SLC44A5: variants seen among roughly 807,000 people sequenced by gnomAD.
SLC44A5 encodes solute carrier family 44 member 5.
Under a neutral mutation model 101.8 loss-of-function variants are expected in SLC44A5, and 57 were observed. The observed-to-expected ratio is 0.56, with a 90% confidence interval of 0.45 to 0.70. SLC44A5 has a LOEUF of 0.70. Ranked by LOEUF, SLC44A5 falls within the 30% of genes least tolerant of loss-of-function variation. The probability of loss-of-function intolerance (pLI) is 0.00; values close to 1 mark genes in which losing one functional copy is unlikely to be tolerated. For synonymous variants in SLC44A5, 281 were observed against 290.9 expected, an observed-to-expected ratio of 0.97 and a Z score of 0.35; for missense variants, 737 against 853.1, an observed-to-expected ratio of 0.86 and a Z score of 1.70.
chr1:75,531,429 C>G (rs938427773), intron 2 of SLC44A5, among the ~76,000 whole-genome samples: 1 of 152,212 alleles, frequency 6.6e-6, no homozygotes, highest in African/African-American at 2.4e-5. Context: ...GCTGCTGCTT[C>G]TTGATCACCT....
At chr1:75,588,412 G>T (rs961040071) in intron 1 of SLC44A5, among the ~76,000 whole-genome samples, 2 of 152,090 alleles carry the variant, frequency 1.3e-5, no homozygotes. Flanking sequence ...AGTCTGTAAG[G>T]TAGGTAATAT....
At chr1:75,404,011 T>A (rs1662681693) in intron 2 of SLC44A5, among the ~76,000 whole-genome samples, 1 of 151,810 alleles carries the variant, frequency 6.6e-6, no homozygotes, top group South Asian at 2.1e-4. Flanking sequence ...ATAAATGACA[T>A]GATGGAGCTG....
chr1:75,323,276 AT>A (rs1460499031), intron 4 of SLC44A5, among the ~76,000 whole-genome samples: 1 of 151,654 alleles, frequency 6.6e-6, no homozygotes, highest in Non-Finnish European at 1.5e-5. Flanking sequence ...TGAACTCATC[AT>A]TTTTTATGGC....
chr1:75,595,868 A>G (rs1038422447), intron 1 of SLC44A5, among the ~76,000 whole-genome samples: 3 of 152,198 alleles, frequency 2.0e-5, no homozygotes, highest in Admixed American at 6.5e-5. Context: ...AGAAAAATGA[A>G]TGATATTTGA....
intron 2 of SLC44A5, among the ~76,000 whole-genome samples, chr1:75,513,245 A>T (rs543202987): frequency 6.6e-6 from 1 of 152,204 alleles, no homozygotes; most frequent in Admixed American, 6.5e-5. Flanking sequence ...GCTCATGTGG[A>T]GTCTGAATTA....
chr1:75,525,752 T>C (rs964285920), intron 2 of SLC44A5, among the ~76,000 whole-genome samples: 14 of 152,170 alleles, frequency 9.2e-5, no homozygotes, highest in African/African-American at 3.4e-4. Flanking sequence ...TTAGATATGA[T>C]GATGGCATTG....
chr1:75,509,168 T>C (rs868372440), intron 2 of SLC44A5, among the ~76,000 whole-genome samples: 13 of 152,206 alleles, frequency 8.5e-5, no homozygotes, highest in African/African-American at 1.7e-4. Flanking sequence ...AAAACTACTA[T>C]GAAGGAATAT....
At chr1:75,467,464 A>T (rs1666885695) in intron 2 of SLC44A5, among the ~76,000 whole-genome samples, 1 of 152,180 alleles carries the variant, frequency 6.6e-6, no homozygotes, top group South Asian at 2.1e-4. Context: ...AAACAGCTTG[A>T]TAGTGACATA....
intron 15 of SLC44A5, 121 bp from the exon 16 acceptor site, chr1:75,219,465 A>G: frequency 2.8e-6 from 2 of 714,404 alleles, no homozygotes; most frequent in Non-Finnish European, 2.5e-6. Context: ...CTAATATTTT[A>G]ATAATATTCA....
chr1:75,716,317 A>G, the SLC44A5 span, among the ~76,000 whole-genome samples: 1 of 151,998 alleles, frequency 6.6e-6, no homozygotes, highest in African/African-American at 2.4e-5. Flanking sequence ...CACTTCTACA[A>G]AAAATTAGCC....
the SLC44A5 span, among the ~76,000 whole-genome samples, chr1:75,633,644 T>C: frequency 2.0e-5 from 3 of 152,090 alleles, no homozygotes; most frequent in Non-Finnish European, 4.4e-5. Context: ...GTTTTCTAGA[T>C]ATACAATCAT....
chr1:75,208,948 T>G (rs1048348200), intron 23 of SLC44A5, among the ~76,000 whole-genome samples: 1 of 151,968 alleles, frequency 6.6e-6, no homozygotes, highest in Non-Finnish European at 1.5e-5. Context: ...TAGGAATAAA[T>G]AAATAAATAA....
the SLC44A5 span, among the ~76,000 whole-genome samples, chr1:75,646,458 T>C: frequency 4.0e-4 from 61 of 152,204 alleles, no homozygotes; most frequent in East Asian, 9.7e-4. Context: ...CCTTCAGAAA[T>C]GAAGGCCCAA....
intron 1 of SLC44A5, among the ~76,000 whole-genome samples, chr1:75,557,007 C>G (rs1426441313): frequency 6.6e-6 from 1 of 152,090 alleles, no homozygotes; most frequent in Admixed American, 6.6e-5. Flanking sequence ...AGGGGTTTTA[C>G]CCAGCAGGCT....
At chr1:75,252,567 T>G (rs1211719760) in intron 6 of SLC44A5, among the ~76,000 whole-genome samples, 2 of 152,196 alleles carry the variant, frequency 1.3e-5, no homozygotes, top group Non-Finnish European at 2.9e-5. Flanking sequence ...GGACTAGTTG[T>G]TTCTTCCAAA....
chr1:75,319,107 G>A (rs1426003388), intron 4 of SLC44A5, among the ~76,000 whole-genome samples: 2 of 152,124 alleles, frequency 1.3e-5, no homozygotes, highest in African/African-American at 4.8e-5. Context: ...TAGATGACAA[G>A]CTGGTAAACA....
chr1:75,603,186 A>G (rs527535497), intron 1 of SLC44A5, among the ~76,000 whole-genome samples: 20 of 152,140 alleles, frequency 1.3e-4, no homozygotes, highest in African/African-American at 4.6e-4. Context: ...CTTTATGTCT[A>G]TTAGTACCTG....
intron 2 of SLC44A5, among the ~76,000 whole-genome samples, chr1:75,537,031 A>ATATATAT (rs1372222209): frequency 4.4e-4 from 7 of 15,740 alleles, no homozygotes; most frequent in Non-Finnish European, 2.1e-3. Flanking sequence ...AAAAAAAAAA[A>ATATATAT]AAATATATAT....
chr1:75,311,242 G>A (rs568042048), intron 4 of SLC44A5, among the ~76,000 whole-genome samples: 1 of 151,636 alleles, frequency 6.6e-6, no homozygotes, highest in East Asian at 1.9e-4. Flanking sequence ...TCAGCCTCCC[G>A]AGTAGCTGGG....
Sources: allele counts gnomAD v4.1 joint callset (sites outside exome capture counted in the v4.1 genomes callset), GRCh38; gene constraint gnomAD v4.1.1; transcripts MANE v1.5; gene names NCBI Gene and HGNC (gene_info 2026-07-23, HGNC 2026-07-21).